NCOA7: variants seen among roughly 807,000 people sequenced by gnomAD.
NCOA7 encodes the protein nuclear receptor coactivator 7.
A neutral mutation model predicts 104.3 loss-of-function variants in NCOA7; 45 were observed. The ratio of observed to expected loss-of-function variants is 0.43; its 90% CI spans 0.34 to 0.55. The LOEUF is 0.55. Ranked by LOEUF, NCOA7 falls within the 20% of genes least tolerant of loss-of-function variation. The pLI, the probability that NCOA7 is intolerant of heterozygous loss-of-function variation, is 0.02. For missense variants in NCOA7, 1,041 were observed against 1,119.7 expected (o/e 0.93, Z 1.00); for synonymous variants, 398 against 402.3 (o/e 0.99, Z 0.13).
chr6:125,855,032 A>C lies in NCOA7; in HGVS notation c.63A>C (p.Lys21Asn). ...CCCTCTTTCCTAGACTGAAAAAGAA[A>C]AAACAAGCCAAACAAAATGCAGAGA... ...KQSYFARLKK[K>N]KQAKQNAETA... The change falls in exon 3 of 16, where the codon AAA (lysine) becomes AAC (asparagine). Residue 21 changes from lysine to asparagine, a missense_variant. This residue lies in a region of NCOA7 where 914 missense variants were observed against 942.7 expected (regional missense o/e 0.97). Coordinates refer to ENST00000392477, the MANE Select transcript of NCOA7 (RefSeq NM_181782.5). 2 of 1,602,480 alleles carry C rather than the reference A, an allele frequency of 1.2e-6. No individual in the cohort carries two copies. The highest frequency in any genetic ancestry group is 1.7e-6 in the Non-Finnish European group (2 of 1,177,610).
intron 1 of NCOA7, among the ~76,000 whole-genome samples, chr6:125,803,845 T>G (rs1478609943): frequency 6.6e-6 from 1 of 152,216 alleles, no homozygotes; most frequent in African/African-American, 2.4e-5. Flanking sequence ...TCTATCCAAT[T>G]TTGTTGGTTT....
At position 125,845,166 on chromosome 6, in the gene NCOA7, A is replaced by G. The variant is rs191609397; in HGVS notation, c.51-9854A>G. 2.4e-4 allele frequency among the ~76,000 whole-genome samples: 37 copies of G among 152,282 alleles called. No homozygotes were observed. In the East Asian group the frequency reaches 6.7e-3, roughly 28 times the overall value. ...TTAGACGACCAGGAAAAAACAGCCT[A>G]GGCCCTGAAGGTCAGAACAATGCAA... On this transcript the variant is annotated intron_variant, in intron 2 of 15. Transcript: ENST00000392477.
At chr6:125,909,851 A>G (rs1786364925) in intron 10 of NCOA7, among the ~76,000 whole-genome samples, 1 of 152,036 alleles carries the variant, frequency 6.6e-6, no homozygotes, top group Non-Finnish European at 1.5e-5. Flanking sequence ...GGTTTGTGTT[A>G]GGTGATTTGA....
At chr6:125,876,645 A>G (rs1783401990) in intron 4 of NCOA7, among the ~76,000 whole-genome samples, 1 of 152,122 alleles carries the variant, frequency 6.6e-6, no homozygotes, top group Non-Finnish European at 1.5e-5. Context: ...TTAAATATTA[A>G]CAAGTGATCA....
At chr6:125,923,158 G>GA (rs1787737989) in intron 13 of NCOA7, among the ~76,000 whole-genome samples, 1 of 152,162 alleles carries the variant, frequency 6.6e-6, no homozygotes, top group Non-Finnish European at 1.5e-5. Flanking sequence ...CTAAAAACTG[G>GA]AAAGTTGGGG....
rs1025438825 is a variant in NCOA7 at position 125,865,650 on chromosome 6, T to G, written c.272-9239T>G. ...CCAATAGAGAAGGTGTTATTTCTTT[T>G]TAAAGTTTATTTATTTTATGTTTTT... is the stretch of plus-strand genomic sequence containing the variant. On this transcript the variant is annotated intron_variant, in intron 3 of 15. Coordinates refer to ENST00000392477, the MANE Select transcript of NCOA7 (RefSeq NM_181782.5). 8.8e-5 allele frequency among the ~76,000 whole-genome samples: 12 copies of G among 136,810 alleles called. 1 individual carries two copies. The highest frequency in any genetic ancestry group is 1.5e-4 in the African/African-American group (5 of 32,606). 89.8% of individuals were successfully genotyped at this position (136,810 alleles called of 152,430 possible).
At chr6:125,925,582 A>G (rs992387861) in intron 13 of NCOA7, among the ~76,000 whole-genome samples, 4 of 152,244 alleles carry the variant, frequency 2.6e-5, no homozygotes, top group Non-Finnish European at 5.9e-5. Context: ...ATTTTGCTCT[A>G]TTACATCTTT....
chr6:125,812,057 A>G (rs537009331), intron 1 of NCOA7, among the ~76,000 whole-genome samples: 1 of 152,342 alleles, frequency 6.6e-6, no homozygotes, highest in African/African-American at 2.4e-5. Flanking sequence ...TTTAATGGAA[A>G]TAAGGACATC....
chr6:125,918,856 CT>C (rs1416558475), intron 11 of NCOA7, among the ~76,000 whole-genome samples: 1 of 151,912 alleles, frequency 6.6e-6, no homozygotes, highest in African/African-American at 2.4e-5. Context: ...CCGAAGGCTC[CT>C]TTTCATCCTT....
intron 2 of NCOA7, among the ~76,000 whole-genome samples, chr6:125,830,783 A>G (rs1228676079): frequency 2.0e-4 from 20 of 97,952 alleles, no homozygotes; most frequent in South Asian, 7.1e-4. Flanking sequence ...GTGTGTGTGT[A>G]TAGATATATA....
intron 1 of NCOA7, chr6:125,796,821 A>ATT: frequency 6.6e-6 from 1 of 151,960 alleles, no homozygotes; most frequent in East Asian, 1.9e-4. Flanking sequence ...AGCCTGGCTA[A>ATT]TTTTTGTATT....
At position 125,928,192 on chromosome 6, in the gene NCOA7, G is replaced by A. The variant is rs1322153574; in HGVS notation, c.2638G>A (p.Glu880Lys). ...PHFKVFKWSG[E>K]NSYFINGDIS... Reference sequence around the variant, plus strand: ...CCCCAAGGTCTTTAAGTGGAGTGGAGAAAATTCATACTTTATCAATGGAGA... The same window carrying A: ...CCCCAAGGTCTTTAAGTGGAGTGGAAAAAATTCATACTTTATCAATGGAGA... Residue 880 changes from glutamate (E) to lysine (K), a missense_variant, in exon 15 of 16, where the codon GAA becomes AAA. Physicochemically the swap from Glu to Lys is moderately conservative, Grantham distance 56 (BLOSUM62 1). Transcript: ENST00000392477. The A allele has an allele frequency of 1.3e-5, 21 of 1,612,860 alleles. No individual in the cohort carries two copies. Among genetic ancestry groups the A allele is most frequent in the Non-Finnish European group, 1.7e-5 (20 of 1,179,802 alleles).
At chr6:125,904,514 G>C (rs1785794472) in intron 10 of NCOA7, among the ~76,000 whole-genome samples, 1 of 152,102 alleles carries the variant, frequency 6.6e-6, no homozygotes. Context: ...GTCTTTGCAT[G>C]GGTTCCCTCC....
intron 10 of NCOA7, among the ~76,000 whole-genome samples, chr6:125,907,858 A>G (rs1346067375): frequency 6.6e-6 from 1 of 152,174 alleles, no homozygotes; most frequent in Non-Finnish European, 1.5e-5. Context: ...CTTTTTAGGT[A>G]GATGGTATAT....
chr6:125,919,047 GAA>G (rs959556553), intron 11 of NCOA7, among the ~76,000 whole-genome samples: 1 of 151,832 alleles, frequency 6.6e-6, no homozygotes, highest in African/African-American at 2.4e-5. Context: ...AGAAGGAAAA[GAA>G]AAAAAATGAA....
intron 3 of NCOA7, among the ~76,000 whole-genome samples, chr6:125,859,652 A>G (rs944101512): frequency 6.6e-6 from 1 of 152,244 alleles, no homozygotes; most frequent in Non-Finnish European, 1.5e-5. Flanking sequence ...GGGCTTTGCA[A>G]AAATCAAAAG....
chr6:125,817,606 T>A (rs1330135004), intron 2 of NCOA7, among the ~76,000 whole-genome samples: 2 of 152,268 alleles, frequency 1.3e-5, no homozygotes, highest in Non-Finnish European at 2.9e-5. Flanking sequence ...GCCCATTTTC[T>A]AATTGAATTG....
At position 125,919,296 on chromosome 6, in the gene NCOA7, G is replaced by A. The variant is rs571341971; in HGVS notation, c.2245-1647G>A. On this transcript the variant is annotated intron_variant, in intron 11 of 15. Transcript: ENST00000392477. Reference sequence around the variant, plus strand: ...GGCTACAAGTAACTGTGGTGTGGAAGCAGAGTAGAGAGAAAACTTGTTCCT... The same window carrying A: ...GGCTACAAGTAACTGTGGTGTGGAAACAGAGTAGAGAGAAAACTTGTTCCT... 1.8e-4 allele frequency: 289 copies of A among 1,612,560 alleles called. 4 individuals carry two copies. The South Asian group carries it at 2.9e-3, about 16-fold the overall frequency.
chr6:125,906,840 A>G (rs1043237249), intron 10 of NCOA7, among the ~76,000 whole-genome samples: 1 of 152,202 alleles, frequency 6.6e-6, no homozygotes, highest in Non-Finnish European at 1.5e-5. Flanking sequence ...AACCCAGTGA[A>G]TGAAAAGAAC....
Sources: gnomAD v4.1 joint callset for allele counts (sites outside exome capture counted in the v4.1 genomes callset) on GRCh38, gnomAD v4.1.1 for gene constraint, gnomAD v4.1.1 regional missense constraint, MANE v1.5 for transcripts, NCBI Gene and HGNC (gene_info 2026-07-23, HGNC 2026-07-21) for gene names.